The following CCDC181 variants were observed in gnomAD, a reference collection of about 807,000 sequenced individuals.
The protein encoded by CCDC181 is coiled-coil domain containing 181, also known as coiled-coil domain-containing protein 181.
Under a neutral mutation model 58.7 loss-of-function variants are expected in CCDC181, and 35 were observed. The observed-to-expected ratio is 0.60, with a 90% CI of 0.46 to 0.79. The LOEUF is 0.79. CCDC181 is among the 30% of genes least tolerant of loss of function. CCDC181 has a pLI of 0.00. For synonymous variants in CCDC181, 183 were observed against 197.5 expected (o/e 0.93, Z 0.62); for missense variants, 517 against 583.9 (o/e 0.89, Z 1.18).
intron 2 of CCDC181, among the ~76,000 whole-genome samples, chr1:169,435,392 T>A (rs1657031142): frequency 6.6e-6 from 1 of 152,122 alleles, no homozygotes; most frequent in Non-Finnish European, 1.5e-5. Context: ...AGTATATGAA[T>A]TATATGTCAA....
intron 4 of CCDC181, among the ~76,000 whole-genome samples, chr1:169,415,782 A>T (rs938334541): frequency 3.3e-5 from 5 of 152,118 alleles, no homozygotes; most frequent in African/African-American, 9.7e-5. Context: ...GAGCCATTGA[A>T]CATCCACCCC....
intron 4 of CCDC181, among the ~76,000 whole-genome samples, chr1:169,414,634 G>A (rs187363917): frequency 9.2e-5 from 14 of 152,226 alleles, no homozygotes; most frequent in African/African-American, 2.9e-4. Flanking sequence ...ACGTTGGAAA[G>A]ACATTTTTAG....
upstream of CCDC181, among the ~76,000 whole-genome samples, chr1:169,431,663 G>C (rs562458470): frequency 6.6e-6 from 1 of 152,268 alleles, no homozygotes; most frequent in South Asian, 2.1e-4. Context: ...TCTTAGTTCA[G>C]TATCATCTAC....
rs745514025 is a variant in CCDC181, at chr1:169,397,237, T to C, written c.1370A>G (p.Gln457Arg). 1 of 1,579,848 alleles carries C rather than the reference T, an allele frequency of 6.3e-7. No homozygotes were observed. Among genetic ancestry groups the C allele is most frequent in the Non-Finnish European group, 8.6e-7 (1 of 1,166,154 alleles). ...GGGAAATGCCCTGCCTTTAACTTAC[T>C]GTTTAAAGGCCCTTTCCCGGCCTTC... is the stretch of plus-strand genomic sequence containing the variant. ...GTEGRERAFK[Q>R]WLRRKRMEKM... The change falls in exon 5 of 6, where the codon CAA becomes CGA. Residue 457 changes from glutamine (Q) to arginine (R), a missense_variant and splice_region_variant. Transcript: ENST00000367806.
chr1:169,402,982 CAAAA>C (rs200205840), intron 4 of CCDC181, among the ~76,000 whole-genome samples: 1 of 122,760 alleles, frequency 8.1e-6, no homozygotes, highest in African/African-American at 3.3e-5. Context: ...GGAAAACAAA[CAAAA>C]AAAAAAAAAA....
intron 4 of CCDC181, among the ~76,000 whole-genome samples, chr1:169,414,910 T>A (rs1184271978): frequency 6.6e-6 from 1 of 152,188 alleles, no homozygotes; most frequent in Non-Finnish European, 1.5e-5. Context: ...CAGAATACTA[T>A]TAGTTTGTGA....
At chr1:169,460,607 T>G (rs960452228) in exon 1 of CCDC181, 12 of 151,670 alleles carry the variant, frequency 7.9e-5, no homozygotes, top group African/African-American at 2.9e-4. Context: ...AAGGAGGGAG[T>G]CGCTGGCCGG....
rs1299577918 is a variant in CCDC181 at position 169,397,346 on chromosome 1, T to C, written c.1261A>G (p.Lys421Glu). 1.1e-5 allele frequency: 17 copies of C among 1,611,494 alleles called. No homozygotes were observed. The highest frequency in any genetic ancestry group is 2.7e-5 in the African/African-American group (2 of 74,818). The stretch of plus-strand genomic sequence containing the variant: ...TCTTTCATCTGCTCTTCGTGCTTTT[T>C]TTTAAGCCATAATCGAAAAGCTTGT... The part of the protein sequence containing the change: ...PQQAFRLWLK[K>E]KHEEQMKERQ... The change falls in exon 5 of 6, where the codon AAA (lysine) becomes GAA (glutamate). Residue 421 changes from lysine to glutamate, a missense_variant. Transcript: ENST00000367806.
intron 2 of CCDC181, among the ~76,000 whole-genome samples, chr1:169,434,432 C>T (rs992044611): frequency 6.6e-6 from 1 of 151,882 alleles, no homozygotes; most frequent in African/African-American, 2.4e-5. Flanking sequence ...CATTTCCGAG[C>T]ATATACCCAA....
chr1:169,429,791 A>G (rs1246865707), upstream of CCDC181, among the ~76,000 whole-genome samples: 3 of 152,170 alleles, frequency 2.0e-5, no homozygotes, highest in Admixed American at 2.0e-4. Context: ...TTTGCTATGC[A>G]GAAGCTTTTT....
chr1:169,398,986 A>G (rs1655202954), intron 4 of CCDC181, among the ~76,000 whole-genome samples: 1 of 152,192 alleles, frequency 6.6e-6, no homozygotes, highest in Non-Finnish European at 1.5e-5. Context: ...GTTTGGCATG[A>G]TCAATAAATA....
At chr1:169,447,474 G>A (rs1408622649) in intron 2 of CCDC181, among the ~76,000 whole-genome samples, 1 of 152,098 alleles carries the variant, frequency 6.6e-6, no homozygotes, top group Non-Finnish European at 1.5e-5. Context: ...ATCTATTCAA[G>A]CTTGAGAAGA....
intron 2 of CCDC181, among the ~76,000 whole-genome samples, chr1:169,445,739 C>A (rs1357262066): frequency 6.6e-6 from 1 of 152,136 alleles, no homozygotes; most frequent in Non-Finnish European, 1.5e-5. Flanking sequence ...TGGTACATTT[C>A]ACCAGTGAAA....
At chr1:169,404,132 T>C (rs1458050871) in intron 4 of CCDC181, among the ~76,000 whole-genome samples, 7 of 152,158 alleles carry the variant, frequency 4.6e-5, no homozygotes, top group Non-Finnish European at 5.9e-5. Flanking sequence ...AATCCCTGAA[T>C]AGACGAATAA....
chr1:169,402,371 G>C (rs1347795466), intron 4 of CCDC181, among the ~76,000 whole-genome samples: 1 of 152,118 alleles, frequency 6.6e-6, no homozygotes, highest in African/African-American at 2.4e-5. Context: ...TACTAAAGTT[G>C]AAATGAAGGA....
chr1:169,395,516 G>A (rs1014636159), intron 5 of CCDC181, among the ~76,000 whole-genome samples: 1 of 152,036 alleles, frequency 6.6e-6, no homozygotes, highest in Non-Finnish European at 1.5e-5. Context: ...TTTAGAAACA[G>A]GATTTCTTAC....
At chr1:169,455,096 T>C (rs887653572) in intron 2 of CCDC181, among the ~76,000 whole-genome samples, 2 of 151,968 alleles carry the variant, frequency 1.3e-5, no homozygotes, top group African/African-American at 4.8e-5. Context: ...TTCCTGTCTA[T>C]TGACTAAATG....
chr1:169,395,876 TTG>T (rs887359095), intron 5 of CCDC181: 4 of 119,850 alleles, frequency 3.3e-5, no homozygotes, highest in African/African-American at 1.0e-4. Flanking sequence ...CCTGGTTTTG[TTG>T]TTTTTTTTTT....
chr1:169,399,038 G>A (rs762048498), intron 4 of CCDC181, among the ~76,000 whole-genome samples: 4 of 152,224 alleles, frequency 2.6e-5, no homozygotes, highest in Non-Finnish European at 5.9e-5. Flanking sequence ...TAGCTGAAGA[G>A]TGGAAGATGA....
Sources: allele counts gnomAD v4.1 joint callset (sites outside exome capture counted in the v4.1 genomes callset), GRCh38; gene constraint gnomAD v4.1.1; transcripts MANE v1.5; gene names NCBI Gene and HGNC (gene_info 2026-07-23, HGNC 2026-07-21).